PAK1: variants seen among roughly 807,000 people sequenced by gnomAD.
The protein encoded by PAK1 is serine/threonine-protein kinase PAK 1.
A neutral mutation model predicts 67.4 loss-of-function variants in PAK1; 29 were observed. The ratio of observed to expected loss-of-function variants is 0.43; its 90% confidence interval spans 0.32 to 0.59. The LOEUF is 0.59. Among genes scored for constraint, PAK1 ranks in the 20% least tolerant of loss-of-function variants. The pLI is 0.07. For synonymous variants in PAK1, 223 were observed against 237.4 expected (o/e 0.94, Z 0.56); for missense variants, 337 against 670.7 (o/e 0.50, Z 5.50).
chr11:77,398,492 T>C (rs908984554), intron 1 of PAK1, among the ~76,000 whole-genome samples: 1 of 152,186 alleles, frequency 6.6e-6, no homozygotes. Flanking sequence ...GTTCCATCCA[T>C]GTTGTTGCAA....
the PAK1 span, among the ~76,000 whole-genome samples, chr11:77,501,331 G>A: frequency 1.2e-4 from 19 of 152,132 alleles, 1 homozygote; most frequent in African/African-American, 3.4e-4. Context: ...GAGCTTCCCC[G>A]GCCCTTCACT....
chr11:77,448,578 C>A (rs1402914373), intron 1 of PAK1, among the ~76,000 whole-genome samples: 2 of 152,176 alleles, frequency 1.3e-5, no homozygotes, highest in Non-Finnish European at 1.5e-5. Context: ...GATATTTGAA[C>A]TTGGTCTTGA....
the PAK1 span, among the ~76,000 whole-genome samples, chr11:77,484,685 TTGTGGG>T: frequency 6.6e-6 from 1 of 152,118 alleles, no homozygotes; most frequent in East Asian, 1.9e-4. Flanking sequence ...GTCACTAACT[TTGTGGG>T]TGTCAAGAGG....
chr11:77,392,443 G>C lies in PAK1; in HGVS notation c.78C>G (p.Ala26=). 4 of 1,613,956 alleles carry C rather than the reference G, an allele frequency of 2.5e-6. No individual in the cohort carries two copies. The highest frequency in any genetic ancestry group is 3.4e-6 in the Non-Finnish European group (4 of 1,179,938). ...PMRNTSTMIG[A]GSKDAGTLNH... ...TTAGGGTTCCAGCATCTTTGCTGCC[G>C]GCTCCAATCATAGTGCTGGTATTTC... The change falls in exon 2 of 15, where the codon GCC becomes GCG. Residue 26 remains alanine (A), a synonymous_variant. Coordinates refer to ENST00000356341, the MANE Select transcript of PAK1 (RefSeq NM_002576.5).
At chr11:77,379,667 A>G (rs1261967302) in intron 3 of PAK1, among the ~76,000 whole-genome samples, 2 of 152,224 alleles carry the variant, frequency 1.3e-5, no homozygotes, top group African/African-American at 4.8e-5. Context: ...AGAGCCTGCT[A>G]CCAAGCCTAC....
At chr11:77,518,281 T>A in the PAK1 span, among the ~76,000 whole-genome samples, 2 of 152,190 alleles carry the variant, frequency 1.3e-5, no homozygotes, top group Non-Finnish European at 2.9e-5. Context: ...CAAATAGATA[T>A]TATGAATATG....
chr11:77,468,554 C>T (rs1022050845), intron 1 of PAK1, among the ~76,000 whole-genome samples: 1 of 152,312 alleles, frequency 6.6e-6, no homozygotes, highest in South Asian at 2.1e-4. Flanking sequence ...ATTCCAAATA[C>T]TGGATAAAGC....
chr11:77,448,545 T>A (rs1162037959), intron 1 of PAK1, among the ~76,000 whole-genome samples: 1 of 152,198 alleles, frequency 6.6e-6, no homozygotes, highest in African/African-American at 2.4e-5. Flanking sequence ...AGGAGGACAA[T>A]GTCAGAGAAG....
At chr11:77,513,141 G>A in the PAK1 span, among the ~76,000 whole-genome samples, 3 of 152,124 alleles carry the variant, frequency 2.0e-5, no homozygotes, top group Admixed American at 1.3e-4. Flanking sequence ...ACTCTTTGAC[G>A]TCATTGACTC....
intron 14 of PAK1, chr11:77,325,510 C>T (rs1342182612): frequency 3.4e-6 from 3 of 870,632 alleles, no homozygotes; most frequent in Non-Finnish European, 5.1e-6. Context: ...CCATTTATTA[C>T]TAGTTATATT....
chr11:77,379,114 C>T (rs888119114), intron 4 of PAK1, 127 bp downstream of exon 4: 4 of 801,256 alleles, frequency 5.0e-6, no homozygotes, highest in South Asian at 4.2e-5. Context: ...CAAAATTCCA[C>T]GTTAAAGTGC....
At chr11:77,377,546 A>T (rs1949261276) in intron 4 of PAK1, among the ~76,000 whole-genome samples, 1 of 152,222 alleles carries the variant, frequency 6.6e-6, no homozygotes. Context: ...ATGAACATAC[A>T]CATAATTACC....
chr11:77,360,087 C>G (rs1467354583), intron 5 of PAK1, among the ~76,000 whole-genome samples: 1 of 152,092 alleles, frequency 6.6e-6, no homozygotes, highest in Non-Finnish European at 1.5e-5. Context: ...CTGCCTGACA[C>G]CTGGAGCCTC....
At chr11:77,518,290 TGGGGTCAC>T in the PAK1 span, among the ~76,000 whole-genome samples, 1 of 152,124 alleles carries the variant, frequency 6.6e-6, no homozygotes, top group Non-Finnish European at 1.5e-5. Flanking sequence ...ATTATGAATA[TGGGGTCAC>T]CTGGAGAAGC....
chr11:77,528,239 T>C, the PAK1 span, among the ~76,000 whole-genome samples: 3 of 152,282 alleles, frequency 2.0e-5, no homozygotes, highest in South Asian at 4.1e-4. Flanking sequence ...CACAATACCA[T>C]TATCACACAT....
chr11:77,474,333 A>G (rs531557284), upstream of PAK1: 5 of 152,052 alleles, frequency 3.3e-5, no homozygotes, highest in South Asian at 4.2e-4. Flanking sequence ...GGCCCGCATG[A>G]GGGCGAACGC....
chr11:77,421,962 C>G (rs1955287570), intron 1 of PAK1, among the ~76,000 whole-genome samples: 1 of 152,142 alleles, frequency 6.6e-6, no homozygotes, highest in Non-Finnish European at 1.5e-5. Flanking sequence ...GTTTTCCTCC[C>G]TTTGCTTATC....
Position 77,358,881 on chromosome 11 carries a change from G to A in PAK1, c.597+17C>T, listed in dbSNP as rs138993369. ...CTCTAATAAATCACAAAACTGGCCA[G>A]GTCCCCAAAGACTCACAGATTTTGT... On this transcript the variant is annotated intron_variant, in intron 6 of 14. Transcript: ENST00000356341. 4 of 1,613,084 alleles carry A rather than the reference G, an allele frequency of 2.5e-6. No individual in the cohort carries two copies. Among genetic ancestry groups the A allele is most frequent in the African/African-American group, 2.7e-5 (2 of 74,952 alleles).
At chr11:77,489,826 T>C in the PAK1 span, among the ~76,000 whole-genome samples, 1 of 152,080 alleles carries the variant, frequency 6.6e-6, no homozygotes, top group Non-Finnish European at 1.5e-5. Context: ...CAGCCTGCCT[T>C]GGCCTCCCAA....
Sources: gnomAD v4.1 joint callset for allele counts (sites outside exome capture counted in the v4.1 genomes callset) on GRCh38, gnomAD v4.1.1 for gene constraint, MANE v1.5 for transcripts, NCBI Gene and HGNC (gene_info 2026-07-23, HGNC 2026-07-21) for gene names.